Variants in MYH10 observed in about 807,000 individuals in gnomAD.
MYH10 encodes myosin-10.
Under a neutral mutation model 257.8 loss-of-function variants are expected in MYH10, and 55 were observed. The ratio of observed to expected loss-of-function variants is 0.21; its 90% CI spans 0.17 to 0.27. The LOEUF (loss-of-function observed/expected upper bound fraction) is 0.27, where lower values mean the gene tolerates loss of function less well. Among genes scored for constraint, MYH10 ranks in the 10% least tolerant of loss-of-function variants. MYH10 has a pLI of 1.00. For missense variants in MYH10, 1,631 were observed against 2,500.6 expected (o/e 0.65, Z 7.42); for synonymous variants, 854 against 921.7 (o/e 0.93, Z 1.33).
intron 16 of MYH10, among the ~76,000 whole-genome samples, chr17:8,531,947 C>A (rs536970732): frequency 1.1e-4 from 17 of 152,206 alleles, no homozygotes; most frequent in Non-Finnish European, 1.0e-4. Flanking sequence ...CCCTCTTTAA[C>A]CTTCTGTGCC....
At chr17:8,510,467 A>C (rs1321154142) in intron 24 of MYH10, among the ~76,000 whole-genome samples, 1 of 152,202 alleles carries the variant, frequency 6.6e-6, no homozygotes, top group Non-Finnish European at 1.5e-5. Context: ...TTTCCTTTCA[A>C]CCAGCAATTT....
At chr17:8,623,396 G>A (rs1458131060) in intron 1 of MYH10, 119 bp from the exon 2 acceptor site, 8 of 965,158 alleles carry the variant, frequency 8.3e-6, no homozygotes, top group South Asian at 6.7e-5. Context: ...TAAGGAGCTG[G>A]GGTATACCTC....
intron 7 of MYH10, among the ~76,000 whole-genome samples, chr17:8,567,470 G>A (rs1385760168): frequency 6.6e-6 from 1 of 152,174 alleles, no homozygotes; most frequent in African/African-American, 2.4e-5. Context: ...AAGGTGCTAT[G>A]GGCTGAAATG....
In MYH10 at chr17:8,490,130, G is replaced by A; in HGVS notation, c.4884+210C>T. Reference sequence around the variant, plus strand: ...CTGATAAGTGTCTGGCTTGTAGGCAGGAATGATACTGAGAAATAGTAAGAC... The same window carrying A: ...CTGATAAGTGTCTGGCTTGTAGGCAAGAATGATACTGAGAAATAGTAAGAC... On this transcript the variant is annotated intron_variant, in intron 35 of 42. Transcript: ENST00000360416. The surrounding 1 kb of genome is among the most constrained non-coding windows in gnomAD (Gnocchi z 4.1). 4 of 502,092 alleles carry A rather than the reference G, an allele frequency of 8.0e-6. No homozygotes were observed. In the South Asian group the frequency reaches 9.2e-5, roughly 12 times the overall value. 31.1% of individuals were successfully genotyped at this position (502,092 alleles called of 1,614,324 possible).
At chr17:8,592,968 T>TATATATATATAA (rs2084227557) in intron 3 of MYH10, among the ~76,000 whole-genome samples, 3 of 123,848 alleles carry the variant, frequency 2.4e-5, no homozygotes, top group Non-Finnish European at 5.1e-5. Flanking sequence ...TATATATATA[T>TATATATATATAA]ATAAAAGATG....
intron 34 of MYH10, among the ~76,000 whole-genome samples, chr17:8,491,539 C>T (rs1369742363): frequency 6.6e-6 from 1 of 152,144 alleles, no homozygotes; most frequent in Non-Finnish European, 1.5e-5. Flanking sequence ...TTTTAGAGGA[C>T]TTTGTGTGCT....
intron 6 of MYH10, among the ~76,000 whole-genome samples, chr17:8,574,599 A>C (rs997985379): frequency 4.6e-5 from 7 of 152,238 alleles, no homozygotes; most frequent in Non-Finnish European, 8.8e-5. Flanking sequence ...GGACTGACAA[A>C]ATCAGGAGCC....
intron 22 of MYH10, 53 bp from the exon 23 acceptor site, chr17:8,513,722 T>C: frequency 6.2e-7 from 1 of 1,609,348 alleles, no homozygotes; most frequent in Non-Finnish European, 8.5e-7. Context: ...CTCTTTCCTA[T>C]GGGTTTTTCC....
chr17:8,547,716 G>T (rs1367104785), intron 11 of MYH10, among the ~76,000 whole-genome samples: 1 of 144,392 alleles, frequency 6.9e-6, no homozygotes, highest in Non-Finnish European at 1.5e-5. Context: ...GAAGCAAACT[G>T]ATATATATAT....
chr17:8,488,670 G>A (rs1423782460), intron 35 of MYH10, among the ~76,000 whole-genome samples: 1 of 152,112 alleles, frequency 6.6e-6, no homozygotes, highest in South Asian at 2.1e-4. Context: ...TGACGGAGTG[G>A]TGGCTCCACT....
rs767019613 is a variant in MYH10 at position 8,511,059 on chromosome 17, TAC to T, written c.2953-1112_2953-1111del. 81 of 88,630 alleles carry T rather than the reference TAC, an allele frequency of 9.1e-4. 1 individual carries two copies. Among genetic ancestry groups the T allele is most frequent in the Middle Eastern group, 6.2e-3 (1 of 162 alleles). The allele number at this position is 88,630 out of a possible 1,614,324, so 5.5% of individuals were successfully genotyped here. On this transcript the variant is annotated intron_variant, in intron 24 of 42. Transcript: ENST00000360416. Reference sequence around the variant, plus strand: ...ATATATATATATATATATATATATATACACACATACATACATACACACACACA... The same window carrying T: ...ATATATATATATATATATATATATATACACATACATACATACACACACACA...
At chr17:8,517,167 C>T (rs962591212) in intron 21 of MYH10, among the ~76,000 whole-genome samples, 1 of 152,066 alleles carries the variant, frequency 6.6e-6, no homozygotes, top group Non-Finnish European at 1.5e-5. Context: ...AAACCCAATT[C>T]TTTTACTCCT....
chr17:8,485,521 A>T (rs1339436073), intron 36 of MYH10, among the ~76,000 whole-genome samples: 3 of 149,954 alleles, frequency 2.0e-5, no homozygotes, highest in African/African-American at 7.4e-5. Flanking sequence ...TCATTTACTC[A>T]AAGAATTTAT....
At chr17:8,499,211 A>G (rs548473898) in intron 30 of MYH10, 59 bp downstream of exon 30, 2 of 1,540,236 alleles carry the variant, frequency 1.3e-6, no homozygotes, top group East Asian at 2.3e-5. Context: ...GAGGGATACA[A>G]TGGTAAATTA....
At chr17:8,596,215 C>T (rs1567958296) in intron 3 of MYH10, among the ~76,000 whole-genome samples, 1 of 149,900 alleles carries the variant, frequency 6.7e-6, no homozygotes, top group East Asian at 2.0e-4. Flanking sequence ...TGCAGTGGCG[C>T]GATCTTGGCT....
chr17:8,525,820 T>C (rs1435680526), intron 17 of MYH10, among the ~76,000 whole-genome samples: 2 of 152,100 alleles, frequency 1.3e-5, no homozygotes, highest in African/African-American at 4.8e-5. Flanking sequence ...TGAGATGGAG[T>C]CTTGCTCTGT....
In MYH10 at chr17:8,535,963, T is replaced by C; in HGVS notation, c.1606-32A>G. 6.3e-7 allele frequency: 1 copy of C among 1,596,712 alleles called. No individual in the cohort carries two copies. Among genetic ancestry groups the C allele is most frequent in the Non-Finnish European group, 8.6e-7 (1 of 1,168,288 alleles). ...ATGACAGGCAATAAGAATTCACAAG[T>C]TTTGCATGCCACTTTAATACTACTG... On this transcript the variant is annotated intron_variant, in intron 14 of 42. Coordinates refer to ENST00000360416, the MANE Select transcript of MYH10 (RefSeq NM_001256012.3). This position sits in a 1 kb window ranked among gnomAD's most constrained non-coding sequence, Gnocchi z 4.3.
Position 8,506,234 on chromosome 17 carries a change from T to A in MYH10, c.3386+84A>T. The A allele has an allele frequency of 7.2e-7, 1 of 1,385,126 alleles. No individual in the cohort carries two copies. The highest frequency in any genetic ancestry group is 9.5e-7 in the Non-Finnish European group (1 of 1,048,924). 85.8% of individuals were successfully genotyped at this position (1,385,126 alleles called of 1,614,324 possible). ...CAAACCCCATCTCACTCTCCCAGGG[T>A]TTTTGAATGCTCCCGAACATAACAA... is the stretch of plus-strand genomic sequence containing the variant. On this transcript the variant is annotated intron_variant, in intron 27 of 42. Coordinates refer to ENST00000360416, the MANE Select transcript of MYH10 (RefSeq NM_001256012.3). The surrounding 1 kb of genome is among the most constrained non-coding windows in gnomAD (Gnocchi z 5.0).
At chr17:8,609,348 G>A (rs1331527650) in intron 2 of MYH10, among the ~76,000 whole-genome samples, 18 of 151,150 alleles carry the variant, frequency 1.2e-4, no homozygotes, top group African/African-American at 4.1e-4. Flanking sequence ...GACCACCATC[G>A]AGAAGGAAAG....
Sources: allele counts gnomAD v4.1 joint callset (sites outside exome capture counted in the v4.1 genomes callset), GRCh38; gene constraint gnomAD v4.1.1; non-coding constraint Gnocchi (gnomAD v3.1); transcripts MANE v1.5; gene names NCBI Gene and HGNC (gene_info 2026-07-23, HGNC 2026-07-21).